Variants in EXT1 observed in about 807,000 individuals in gnomAD.
The protein encoded by EXT1 is exostosin-1.
In EXT1, 20 loss-of-function variants were observed where a neutral mutation model predicts 82.5. That is an observed-to-expected ratio of 0.24 (90% CI 0.17 to 0.35). The LOEUF is 0.35. Among genes scored for constraint, EXT1 ranks in the 10% least tolerant of loss-of-function variants. The probability of loss-of-function intolerance (pLI) is 1.00; values close to 1 mark genes in which losing one functional copy is unlikely to be tolerated. For missense variants in EXT1, 757 were observed against 936.5 expected, an observed-to-expected ratio of 0.81 and a Z score of 2.50; for synonymous variants, 348 against 350.8, an observed-to-expected ratio of 0.99 and a Z score of 0.09.
chr8:117,937,130 T>A (rs773766397), intron 1 of EXT1, among the ~76,000 whole-genome samples: 2 of 152,218 alleles, frequency 1.3e-5, no homozygotes, highest in Non-Finnish European at 2.9e-5. Flanking sequence ...AATACCTTTT[T>A]TAGATTTATG....
chr8:118,031,146 G>A (rs1563634477), intron 1 of EXT1, among the ~76,000 whole-genome samples: 1 of 152,068 alleles, frequency 6.6e-6, no homozygotes, highest in African/African-American at 2.4e-5. Context: ...GCTGCTCCTC[G>A]GCTCCAGCTA....
intron 1 of EXT1, among the ~76,000 whole-genome samples, chr8:117,885,883 T>C (rs1813139003): frequency 6.6e-6 from 1 of 152,250 alleles, no homozygotes; most frequent in African/African-American, 2.4e-5. Flanking sequence ...TTCTGTGGAC[T>C]GCTCCAGTGG....
chr8:117,991,767 G>A (rs1046799478), intron 1 of EXT1, among the ~76,000 whole-genome samples: 9 of 151,882 alleles, frequency 5.9e-5, no homozygotes, highest in African/African-American at 1.9e-4. Context: ...TCACCATGTT[G>A]GCCAGGCTGG....
intron 2 of EXT1, among the ~76,000 whole-genome samples, chr8:117,836,278 G>A (rs1812187418): frequency 6.6e-6 from 1 of 152,204 alleles, no homozygotes; most frequent in Non-Finnish European, 1.5e-5. Context: ...GTGATGGCAT[G>A]CTATGCAGAA....
intron 1 of EXT1, among the ~76,000 whole-genome samples, chr8:117,851,037 C>T (rs1489649445): frequency 6.6e-6 from 1 of 152,186 alleles, no homozygotes; most frequent in South Asian, 2.1e-4. Context: ...AGTCCTGGAA[C>T]TTAGAAAGTG....
intron 1 of EXT1, among the ~76,000 whole-genome samples, chr8:117,902,323 G>A (rs544435907): frequency 1.7e-4 from 26 of 152,140 alleles, no homozygotes; most frequent in African/African-American, 5.5e-4. Context: ...TAGTAAATAC[G>A]TAAACCAGTA....
intron 1 of EXT1, among the ~76,000 whole-genome samples, chr8:117,947,640 T>C (rs1319839869): frequency 6.6e-6 from 1 of 152,188 alleles, no homozygotes; most frequent in African/African-American, 2.4e-5. Flanking sequence ...GAGATTAACA[T>C]CTTAATCATT....
In EXT1 at chr8:117,799,667, A is replaced by AC. The variant is rs770608930; in HGVS notation, c.*44dup. On this transcript the variant is annotated 3_prime_UTR_variant, in exon 11 of 11. Coordinates refer to ENST00000378204, the MANE Select transcript of EXT1 (RefSeq NM_000127.3). The stretch of plus-strand genomic sequence containing the variant: ...TGCACTGGGAAGAGAGAGCAGCTTG[A>AC]CCCCCATCCCTTCTTGCTTCCCCTC... 3 of 1,601,220 alleles carry AC rather than the reference A, an allele frequency of 1.9e-6. No homozygotes were observed. The highest frequency in any genetic ancestry group is 8.6e-7 in the Non-Finnish European group (1 of 1,169,432).
chr8:117,818,563 G>T, intron 6 of EXT1, 33 bp from the exon 7 acceptor site: 2 of 1,551,578 alleles, frequency 1.3e-6, no homozygotes, highest in Non-Finnish European at 1.8e-6. Context: ...GATGGCTGGG[G>T]TAGGATGTAT....
At chr8:117,982,871 T>C (rs964642305) in intron 1 of EXT1, among the ~76,000 whole-genome samples, 3 of 152,184 alleles carry the variant, frequency 2.0e-5, no homozygotes, top group Non-Finnish European at 4.4e-5. Context: ...GATGTAAATA[T>C]ACCATGATAT....
chr8:117,861,171 T>TA (rs1274513824), intron 1 of EXT1, among the ~76,000 whole-genome samples: 2 of 152,132 alleles, frequency 1.3e-5, no homozygotes, highest in Non-Finnish European at 2.9e-5. Flanking sequence ...ACACAACAGC[T>TA]AAAAAGCAGT....
At position 118,018,111 on chromosome 8, in the gene EXT1, T is replaced by C. The variant is rs1198573219; in HGVS notation, c.962+91974A>G. Among the ~76,000 whole-genome samples, 4 of 152,244 alleles carry C rather than the reference T, an allele frequency of 2.6e-5. No homozygotes were observed. In the East Asian group the frequency reaches 7.7e-4, roughly 29 times the overall value. On this transcript the variant is annotated intron_variant, in intron 1 of 10. Coordinates refer to ENST00000378204, the MANE Select transcript of EXT1 (RefSeq NM_000127.3). ...CTAAAGACAGATCTATAGGTGTATG[T>C]TACTAGTTGAGCTGTGTCCTCTGCA...
chr8:117,874,765 A>G (rs1812938184), intron 1 of EXT1, among the ~76,000 whole-genome samples: 1 of 152,120 alleles, frequency 6.6e-6, no homozygotes. Flanking sequence ...TACCAATGAT[A>G]GAAGAAACTA....
In EXT1 at chr8:117,797,823, G is replaced by A. The variant is rs1823106767; in HGVS notation, c.*1889C>T. ...TTAGGGGAAAATGTCACATGTTTGA[G>A]AATGGACTATGGATGGGTCCAATTA... On this transcript the variant is annotated 3_prime_UTR_variant, in exon 11 of 11. Transcript: ENST00000378204. 6.6e-6 allele frequency: 1 copy of A among 152,218 alleles called. No homozygotes were observed. Among genetic ancestry groups the A allele is most frequent in the African/African-American group, 2.4e-5 (1 of 41,460 alleles). 9.4% of individuals were successfully genotyped at this position (152,218 alleles called of 1,614,324 possible).
At chr8:117,822,015 T>C (rs1168194926) in intron 5 of EXT1, among the ~76,000 whole-genome samples, 1 of 152,126 alleles carries the variant, frequency 6.6e-6, no homozygotes, top group Non-Finnish European at 1.5e-5. Context: ...CTTGGAAAAA[T>C]GAATAAATTT....
rs1817868656 is a variant in EXT1, at chr8:118,110,158, T to A, written c.889A>T (p.Thr297Ser). 6.2e-7 allele frequency: 1 copy of A among 1,614,224 alleles called. No homozygotes were observed. Among genetic ancestry groups the A allele is most frequent in the African/African-American group, 1.3e-5 (1 of 75,052 alleles). The change falls in exon 1 of 11, where the codon ACC becomes TCC. Residue 297 changes from threonine to serine, a missense_variant. Physicochemically the swap from Thr to Ser is moderately conservative, Grantham distance 58. Around this residue, in one of 4 missense-constraint regions of EXT1, gnomAD observed 247 missense variants for 330.1 expected, o/e 0.75. Transcript: ENST00000378204. ...HNGEDVVLLT[T>S]CKHGKDWQKH... ...TGCCAGTCTTTGCCATGCTTGCAGG[T>A]GGTGAGGAGCACAACGTCCTCCCCG...
At position 117,858,712 on chromosome 8, in the gene EXT1, AGAAGGAAGGAAG is replaced by A. The variant is rs564611274; in HGVS notation, c.963-21523_963-21512del. On this transcript the variant is annotated intron_variant, in intron 1 of 10. Transcript: ENST00000378204. The stretch of plus-strand genomic sequence containing the variant: ...AAGAAGAAAGAAAGAAAGAAAAGAA[AGAAGGAAGGAAG>A]GAAGGAAGGAAGGAAGGAAGGAAGG... 5.6e-3 allele frequency among the ~76,000 whole-genome samples: 370 copies of A among 66,130 alleles called. 17 individuals carry two copies. The highest frequency in any genetic ancestry group is 0.017 in the African/African-American group (253 of 14,786). 43.4% of individuals were successfully genotyped at this position (66,130 alleles called of 152,430 possible).
chr8:118,086,230 A>G (rs1817415628), intron 1 of EXT1, among the ~76,000 whole-genome samples: 1 of 152,240 alleles, frequency 6.6e-6, no homozygotes, highest in East Asian at 1.9e-4. Context: ...TTGACTGCCT[A>G]AAATTTGTGA....
rs916118962 is a variant in EXT1 at position 118,110,804 on chromosome 8, G to A, written c.243C>T (p.Ser81=). Residue 81 remains serine, a synonymous_variant, in exon 1 of 11, where the codon TCC becomes TCT. Coordinates refer to ENST00000378204, the MANE Select transcript of EXT1 (RefSeq NM_000127.3). ...AGTTGGCATCTCGCTTCTGCCGGGGGGAAATGTGCACGCTGGAATCCTCGT... is the reference window on the plus strand; with the variant it reads ...AGTTGGCATCTCGCTTCTGCCGGGGAGAAATGTGCACGCTGGAATCCTCGT... ...LENEDSSVHI[S]PRQKRDANSS... 1.2e-6 allele frequency: 2 copies of A among 1,613,382 alleles called. No homozygotes were observed. The highest frequency in any genetic ancestry group is 1.1e-5 in the South Asian group (1 of 91,076).
Sources: allele counts gnomAD v4.1 joint callset (sites outside exome capture counted in the v4.1 genomes callset), GRCh38; gene constraint gnomAD v4.1.1; regional missense constraint gnomAD v4.1.1; transcripts MANE v1.5; gene names NCBI Gene and HGNC (gene_info 2026-07-23, HGNC 2026-07-21).